The following SPCS2 variants were observed in gnomAD, a reference collection of about 807,000 sequenced individuals.
The protein encoded by SPCS2 is signal peptidase complex subunit 2, also known as SPase 25 kDa subunit.
In SPCS2, 3 loss-of-function variants were observed where a neutral mutation model predicts 22.3. The ratio of observed to expected loss-of-function variants is 0.13; its 90% CI spans 0.06 to 0.35. The LOEUF is 0.35. SPCS2 is among the 10% of genes least tolerant of loss of function. The pLI is 1.00. For synonymous variants in SPCS2, 67 were observed against 97.2 expected (o/e 0.69, Z 1.83); for missense variants, 169 against 280.9 (o/e 0.60, Z 2.85).
chr11:74,965,556 T>C (rs1007435208), intron 2 of SPCS2, among the ~76,000 whole-genome samples: 1 of 152,190 alleles, frequency 6.6e-6, no homozygotes, highest in Non-Finnish European at 1.5e-5. Flanking sequence ...TTGAGGAGTT[T>C]AAAGTTTTTT....
At chr11:74,951,614 C>G (rs1054382006) in intron 1 of SPCS2, among the ~76,000 whole-genome samples, 1 of 151,884 alleles carries the variant, frequency 6.6e-6, no homozygotes, top group Admixed American at 6.6e-5. Flanking sequence ...AGTTCAAGAC[C>G]AGCCAGACCA....
chr11:74,951,869 G>C (rs1948448482), intron 1 of SPCS2, among the ~76,000 whole-genome samples: 1 of 151,264 alleles, frequency 6.6e-6, no homozygotes, highest in Non-Finnish European at 1.5e-5. Flanking sequence ...CCTGAAAGTG[G>C]AACTGGCACC....
chr11:74,959,084 C>T (rs13343191), intron 1 of SPCS2, among the ~76,000 whole-genome samples: 5,354 of 152,214 alleles, frequency 0.035, 89 homozygotes, highest in Middle Eastern at 0.051. Flanking sequence ...TGTCTACTTT[C>T]TAAACTGGGA....
chr11:74,949,847 A>T (rs960108563), intron 1 of SPCS2, among the ~76,000 whole-genome samples: 1 of 152,194 alleles, frequency 6.6e-6, no homozygotes, highest in African/African-American at 2.4e-5. Flanking sequence ...CCTTTTGCTT[A>T]CTGAAGTTTT....
intron 1 of SPCS2, among the ~76,000 whole-genome samples, chr11:74,955,884 A>ATATC (rs1565484787): frequency 2.3e-5 from 3 of 127,838 alleles, no homozygotes; most frequent in East Asian, 2.6e-4. Flanking sequence ...ATATATATAT[A>ATATC]TATCTGCCTG....
chr11:74,950,839 C>T (rs1038095880), intron 1 of SPCS2, among the ~76,000 whole-genome samples: 5 of 152,204 alleles, frequency 3.3e-5, no homozygotes, highest in African/African-American at 1.2e-4. Context: ...AGTCACCATG[C>T]ACCTGGCCTC....
At chr11:74,964,969 G>T (rs532430262) in intron 1 of SPCS2, 65 bp from the exon 2 acceptor site, 199 of 1,054,752 alleles carry the variant, frequency 1.9e-4, no homozygotes, top group Non-Finnish European at 2.7e-4. Flanking sequence ...CTTAAAAAAT[G>T]GTTCATTTTA....
chr11:74,950,188 A>G (rs1948370355), intron 1 of SPCS2, among the ~76,000 whole-genome samples: 2 of 152,206 alleles, frequency 1.3e-5, no homozygotes, highest in Non-Finnish European at 2.9e-5. Context: ...CACGGAGAAC[A>G]ACGTCCTGGT....
intron 3 of SPCS2, among the ~76,000 whole-genome samples, 154 bp downstream of exon 3, chr11:74,966,077 C>G (rs1252303986): frequency 1.3e-5 from 2 of 150,236 alleles, no homozygotes. Context: ...TAGTAAATAT[C>G]TATCAGTTTA....
intron 1 of SPCS2, among the ~76,000 whole-genome samples, chr11:74,956,640 G>A (rs1948480801): frequency 6.6e-6 from 1 of 152,110 alleles, no homozygotes; most frequent in Non-Finnish European, 1.5e-5. Flanking sequence ...GTTACATTTT[G>A]TTCTCCACAC....
At position 74,958,475 on chromosome 11, in the gene SPCS2, TG is replaced by T. The variant is rs1191463566; in HGVS notation, c.115-6558del. ...GATAGACATCATTTTCTTCCCAAAC[TG>T]AACATTTTCCTTTCTTGCTAAATAT... On this transcript the variant is annotated intron_variant, in intron 1 of 4. Transcript: ENST00000263672. Among the ~76,000 whole-genome samples the T allele has an allele frequency of 3.9e-5, 6 of 152,314 alleles. No homozygotes were observed. In the East Asian group the frequency reaches 1.2e-3, roughly 29 times the overall value.
At chr11:74,974,420 C>T (rs936436116) in intron 4 of SPCS2, among the ~76,000 whole-genome samples, 4 of 152,190 alleles carry the variant, frequency 2.6e-5, no homozygotes, top group Non-Finnish European at 5.9e-5. Context: ...CTGCCCTTCC[C>T]TCAGTTTTTC....
chr11:74,956,417 T>A (rs1172556360), intron 1 of SPCS2, among the ~76,000 whole-genome samples: 1 of 152,184 alleles, frequency 6.6e-6, no homozygotes, highest in Non-Finnish European at 1.5e-5. Context: ...AGTGCTTCTC[T>A]CCCAGTCTTC....
chr11:74,963,901 C>T (rs1948529327), intron 1 of SPCS2, among the ~76,000 whole-genome samples: 1 of 152,128 alleles, frequency 6.6e-6, no homozygotes, highest in East Asian at 1.9e-4. Flanking sequence ...TAATGGTCTA[C>T]AAAAAACAGG....
At chr11:74,955,851 AATATATATATATATATATATATATATAT>A (rs60855711) in intron 1 of SPCS2, among the ~76,000 whole-genome samples, 1,419 of 55,630 alleles carry the variant, frequency 0.026, 121 homozygotes, top group African/African-American at 0.062. Flanking sequence ...TACTAATTAA[AATATATATATATATATATATATATATAT>A]ATATATATCT....
intron 4 of SPCS2, among the ~76,000 whole-genome samples, chr11:74,974,028 G>C (rs1369366017): frequency 2.7e-5 from 4 of 150,482 alleles, no homozygotes; most frequent in Non-Finnish European, 5.9e-5. Flanking sequence ...TTCTTCTTGT[G>C]CTATCACCTG....
intron 4 of SPCS2, among the ~76,000 whole-genome samples, chr11:74,970,086 T>C (rs1308554240): frequency 6.6e-6 from 1 of 152,210 alleles, no homozygotes; most frequent in Admixed American, 6.5e-5. Flanking sequence ...AGCAGTGCAC[T>C]GGGCAACTCA....
At chr11:74,962,501 A>G (rs1591737700) in intron 1 of SPCS2, among the ~76,000 whole-genome samples, 1 of 152,106 alleles carries the variant, frequency 6.6e-6, no homozygotes, top group South Asian at 2.1e-4. Context: ...TTATTATTAC[A>G]AAAGGAAAGC....
chr11:74,967,940 A>G (rs1162002856), intron 3 of SPCS2, among the ~76,000 whole-genome samples: 1 of 151,992 alleles, frequency 6.6e-6, no homozygotes, highest in African/African-American at 2.4e-5. Flanking sequence ...TCTCAAAAAA[A>G]AAAGTCTTCT....
Sources: gnomAD v4.1 joint callset for allele counts (sites outside exome capture counted in the v4.1 genomes callset) on GRCh38, gnomAD v4.1.1 for gene constraint, MANE v1.5 for transcripts, NCBI Gene and HGNC (gene_info 2026-07-23, HGNC 2026-07-21) for gene names.